ARL15: variants seen among roughly 807,000 people sequenced by gnomAD.
ARL15 encodes the protein ARF like GTPase 15, also known as ADP-ribosylation factor-like protein 15.
A neutral mutation model predicts 25.2 loss-of-function variants in ARL15; 19 were observed. That is an observed-to-expected ratio of 0.75 (90% CI 0.53 to 1.10). ARL15 has a LOEUF of 1.10. Ranked by LOEUF, ARL15 falls within the 50% of genes least tolerant of loss-of-function variation. ARL15 has a pLI of 0.00. For missense variants in ARL15, 220 were observed against 246.0 expected (o/e 0.89, Z 0.71); for synonymous variants, 94 against 86.8 (o/e 1.08, Z -0.46).
chr5:54,109,310 C>G (rs1043134462), intron 4 of ARL15, among the ~76,000 whole-genome samples: 1 of 151,954 alleles, frequency 6.6e-6, no homozygotes, highest in Non-Finnish European at 1.5e-5. Flanking sequence ...ATACTTAACA[C>G]TGTACTTTTG....
At chr5:54,076,338 G>A (rs1339207166) in intron 4 of ARL15, among the ~76,000 whole-genome samples, 3 of 151,670 alleles carry the variant, frequency 2.0e-5, no homozygotes, top group African/African-American at 2.4e-5. Flanking sequence ...GGAGAATGGC[G>A]TGAACCCAGG....
intron 2 of ARL15, among the ~76,000 whole-genome samples, chr5:54,169,033 T>G (rs1754650575): frequency 6.6e-6 from 1 of 152,134 alleles, no homozygotes; most frequent in South Asian, 2.1e-4. Flanking sequence ...TCAAAGAAGC[T>G]TGATATCCAA....
intron 4 of ARL15, among the ~76,000 whole-genome samples, chr5:53,952,663 T>A (rs1272607013): frequency 6.6e-6 from 1 of 152,246 alleles, no homozygotes; most frequent in Non-Finnish European, 1.5e-5. Context: ...CTGCAATTTT[T>A]ATTTAAGAAA....
chr5:54,305,876 A>T (rs1758741546), intron 1 of ARL15, among the ~76,000 whole-genome samples: 1 of 152,238 alleles, frequency 6.6e-6, no homozygotes, highest in Admixed American at 6.5e-5. Flanking sequence ...AACAAATGCA[A>T]TGAATATTAA....
intron 4 of ARL15, among the ~76,000 whole-genome samples, chr5:53,928,466 C>T (rs1219555901): frequency 6.6e-6 from 1 of 152,132 alleles, no homozygotes; most frequent in Non-Finnish European, 1.5e-5. Context: ...CAGCAGATCA[C>T]TTCAGGTTAA....
chr5:54,060,055 T>C (rs1337150304), intron 4 of ARL15, among the ~76,000 whole-genome samples: 2 of 146,766 alleles, frequency 1.4e-5, no homozygotes, highest in East Asian at 4.0e-4. Flanking sequence ...CAGTGGAAGG[T>C]GACTGAATTA....
chr5:54,069,959 G>A (rs367878730), intron 4 of ARL15, among the ~76,000 whole-genome samples: 8 of 142,668 alleles, frequency 5.6e-5, no homozygotes, highest in African/African-American at 2.3e-4. Flanking sequence ...ACAGGCGTGA[G>A]CCACCACACC....
chr5:54,156,080 CT>C (rs1754224054), intron 2 of ARL15, among the ~76,000 whole-genome samples: 1 of 152,136 alleles, frequency 6.6e-6, no homozygotes, highest in Non-Finnish European at 1.5e-5. Context: ...AAAAACAATT[CT>C]TTCAAATGGG....
At chr5:54,280,376 C>T (rs561052759) in intron 1 of ARL15, among the ~76,000 whole-genome samples, 54 of 152,268 alleles carry the variant, frequency 3.5e-4, no homozygotes, top group Admixed American at 2.4e-3. Flanking sequence ...TTCATCTAAC[C>T]GGGGACAAAT....
intron 4 of ARL15, among the ~76,000 whole-genome samples, chr5:54,106,761 T>C (rs1446696551): frequency 6.6e-6 from 1 of 152,008 alleles, no homozygotes; most frequent in Non-Finnish European, 1.5e-5. Context: ...GGTTGACTGT[T>C]TATTGACCAC....
intron 4 of ARL15, among the ~76,000 whole-genome samples, chr5:54,002,531 A>T (rs1292716907): frequency 6.6e-6 from 1 of 152,198 alleles, no homozygotes; most frequent in East Asian, 1.9e-4. Context: ...GTGTTGAGAT[A>T]TTTTAGGCAG....
At chr5:54,042,808 G>A (rs951580247) in intron 4 of ARL15, among the ~76,000 whole-genome samples, 1 of 152,202 alleles carries the variant, frequency 6.6e-6, no homozygotes, top group African/African-American at 2.4e-5. Flanking sequence ...GTGTCACCAA[G>A]TGGGGGTGGG....
intron 4 of ARL15, among the ~76,000 whole-genome samples, chr5:53,931,644 T>G (rs1391551754): frequency 6.6e-6 from 1 of 152,226 alleles, no homozygotes; most frequent in African/African-American, 2.4e-5. Flanking sequence ...TTCCACTATT[T>G]ACCATAGGAA....
chr5:54,260,333 T>C (rs1467432389), intron 1 of ARL15, among the ~76,000 whole-genome samples: 1 of 152,186 alleles, frequency 6.6e-6, no homozygotes, highest in Admixed American at 6.5e-5. Flanking sequence ...ACCATTATCA[T>C]AACAATTACA....
chr5:53,973,730 C>A (rs910178448), intron 4 of ARL15, among the ~76,000 whole-genome samples: 12 of 151,878 alleles, frequency 7.9e-5, no homozygotes, highest in African/African-American at 2.9e-4. Flanking sequence ...TAGAGAAAGA[C>A]CCTGTCTTAA....
chr5:54,011,047 C>A lies in ARL15; in HGVS notation c.462+102155G>T, dbSNP rs1228242231. Among the ~76,000 whole-genome samples, 4 of 151,802 alleles carry A rather than the reference C, an allele frequency of 2.6e-5. No homozygotes were observed. In the East Asian group the frequency reaches 7.7e-4, roughly 29 times the overall value. On this transcript the variant is annotated intron_variant, in intron 4 of 4. Transcript: ENST00000504924. ...CTCTCACAAAGACTGTGGAAGAAGT[C>A]CTTAGTGAAGTGATAAAAGGCCAAA...
intron 1 of ARL15, among the ~76,000 whole-genome samples, chr5:54,247,028 C>T (rs1254879231): frequency 1.3e-5 from 2 of 152,052 alleles, no homozygotes; most frequent in African/African-American, 4.8e-5. Context: ...TATAAATGTA[C>T]ATGATAAAAT....
chr5:53,923,599 T>A (rs1005514655), intron 4 of ARL15, among the ~76,000 whole-genome samples: 1 of 152,226 alleles, frequency 6.6e-6, no homozygotes, highest in Non-Finnish European at 1.5e-5. Context: ...TCAACCTAAA[T>A]GAAATTCTTT....
At chr5:54,238,161 T>TA (rs1756860610) in intron 1 of ARL15, among the ~76,000 whole-genome samples, 1 of 152,080 alleles carries the variant, frequency 6.6e-6, no homozygotes, top group Admixed American at 6.5e-5. Flanking sequence ...TTAACAAAGT[T>TA]AAAAAACAAA....
Sources: allele counts gnomAD v4.1 joint callset (sites outside exome capture counted in the v4.1 genomes callset), GRCh38; gene constraint gnomAD v4.1.1; transcripts MANE v1.5; gene names NCBI Gene and HGNC (gene_info 2026-07-23, HGNC 2026-07-21).